Variants in MCC observed in about 807,000 individuals in gnomAD.
The protein encoded by MCC is colorectal mutant cancer protein.
MCC carries 90 observed loss-of-function variants against 116.2 expected under a neutral mutation model. The observed-to-expected ratio is 0.77, with a 90% CI of 0.65 to 0.92. The LOEUF is 0.92. MCC is among the 40% of genes least tolerant of loss of function. The pLI, the probability that MCC is intolerant of heterozygous loss-of-function variation, is 0.00. For synonymous variants in MCC, 578 were observed against 510.5 expected (o/e 1.13, Z -1.78); for missense variants, 1,516 against 1,312.2 (o/e 1.16, Z -2.40).
At chr5:113,245,345 T>C (rs1238869083) in intron 3 of MCC, among the ~76,000 whole-genome samples, 1 of 151,836 alleles carries the variant, frequency 6.6e-6, no homozygotes, top group African/African-American at 2.4e-5. Flanking sequence ...AACCCAACCT[T>C]GAGGGACAAA....
At chr5:113,137,925 C>A (rs1290650549) in intron 5 of MCC, among the ~76,000 whole-genome samples, 1 of 142,156 alleles carries the variant, frequency 7.0e-6, no homozygotes, top group Non-Finnish European at 1.5e-5. Context: ...TGACTTTCAG[C>A]AACCTGCATT....
In MCC at chr5:113,181,306, C is replaced by T. The variant is rs532962792; in HGVS notation, c.628-29884G>A. Among the ~76,000 whole-genome samples the T allele has an allele frequency of 2.6e-5, 4 of 152,328 alleles. No individual in the cohort carries two copies. In the East Asian group the frequency reaches 7.7e-4, roughly 29 times the overall value. ...TATCGGTCAGAACACCATTACCAGCCTTGAAATGTACTGATTAGAATTTAG... is the reference window on the plus strand; with the variant it reads ...TATCGGTCAGAACACCATTACCAGCTTTGAAATGTACTGATTAGAATTTAG... On this transcript the variant is annotated intron_variant, in intron 3 of 18. Coordinates refer to ENST00000408903, the MANE Select transcript of MCC (RefSeq NM_001085377.2).
At chr5:113,129,406 G>C (rs1185177100) in intron 5 of MCC, among the ~76,000 whole-genome samples, 1 of 152,200 alleles carries the variant, frequency 6.6e-6, no homozygotes. Context: ...AGGTGTTTCA[G>C]TCAGCTCAGG....
intron 3 of MCC, among the ~76,000 whole-genome samples, chr5:113,156,903 C>A (rs1470501729): frequency 1.3e-5 from 2 of 152,192 alleles, no homozygotes; most frequent in Non-Finnish European, 1.5e-5. Flanking sequence ...GTTCAACTGA[C>A]TCTAAGGACA....
intron 1 of MCC, among the ~76,000 whole-genome samples, chr5:113,395,887 G>A (rs986536759): frequency 3.3e-5 from 5 of 152,006 alleles, no homozygotes; most frequent in Non-Finnish European, 4.4e-5. Flanking sequence ...CATCAGAATG[G>A]TGGGGGTGGG....
intron 1 of MCC, among the ~76,000 whole-genome samples, chr5:113,437,648 T>C (rs1481489059): frequency 1.3e-5 from 2 of 152,222 alleles, no homozygotes; most frequent in Non-Finnish European, 1.5e-5. Flanking sequence ...ACTTGAATTA[T>C]TTCTATTTTG....
Position 113,210,183 on chromosome 5 carries a change from A to C in MCC, c.628-58761T>G, listed in dbSNP as rs116829012. 2.3e-3 allele frequency among the ~76,000 whole-genome samples: 351 copies of C among 151,574 alleles called. 2 individuals are homozygous for C. Among genetic ancestry groups the C allele is most frequent in the African/African-American group, 8.0e-3 (334 of 41,522 alleles). On this transcript the variant is annotated intron_variant, in intron 3 of 18. Transcript: ENST00000408903. ...CTGTGGGTGGGAAGAGTGAAGCTTTAAACCCTCAACAGTACAACTTTTCCC... is the reference window on the plus strand; with the variant it reads ...CTGTGGGTGGGAAGAGTGAAGCTTTCAACCCTCAACAGTACAACTTTTCCC...
intron 3 of MCC, among the ~76,000 whole-genome samples, chr5:113,264,246 A>C (rs943340222): frequency 6.6e-6 from 1 of 152,182 alleles, no homozygotes; most frequent in Non-Finnish European, 1.5e-5. Flanking sequence ...AGCATTACAC[A>C]ATCTTCCAGG....
At chr5:113,406,209 T>G (rs1181459728) in intron 1 of MCC, among the ~76,000 whole-genome samples, 1 of 152,220 alleles carries the variant, frequency 6.6e-6, no homozygotes, top group East Asian at 1.9e-4. Flanking sequence ...CAAACAGCAC[T>G]AAGTTAATTA....
chr5:113,047,639 T>C (rs962098108), intron 16 of MCC, among the ~76,000 whole-genome samples: 10 of 152,324 alleles, frequency 6.6e-5, no homozygotes, highest in African/African-American at 2.4e-4. Flanking sequence ...TTGGCATATG[T>C]CTGCGAGTCC....
intron 17 of MCC, among the ~76,000 whole-genome samples, chr5:113,035,148 C>T (rs887148095): frequency 6.6e-6 from 1 of 152,224 alleles, no homozygotes; most frequent in African/African-American, 2.4e-5. Flanking sequence ...CACTCTCTCT[C>T]CTGTGTTGGC....
intron 3 of MCC, among the ~76,000 whole-genome samples, chr5:113,242,306 C>T (rs1465751631): frequency 2.6e-5 from 4 of 152,210 alleles, no homozygotes; most frequent in Non-Finnish European, 5.9e-5. Context: ...AGTATATTCA[C>T]ATCATTGGTA....
intron 1 of MCC, among the ~76,000 whole-genome samples, chr5:113,388,898 C>G (rs891756846): frequency 1.3e-5 from 2 of 152,148 alleles, no homozygotes; most frequent in Non-Finnish European, 2.9e-5. Context: ...AGCTCTTGCC[C>G]TTTCCATGCT....
intron 5 of MCC, among the ~76,000 whole-genome samples, chr5:113,128,249 A>G (rs1399625841): frequency 6.6e-6 from 1 of 152,232 alleles, no homozygotes; most frequent in Non-Finnish European, 1.5e-5. Flanking sequence ...TGTGGAGAAG[A>G]GCCAGATGGT....
intron 3 of MCC, among the ~76,000 whole-genome samples, chr5:113,167,768 C>T (rs559609123): frequency 6.6e-6 from 1 of 152,182 alleles, no homozygotes; most frequent in African/African-American, 2.4e-5. Context: ...GTAGCAGGGA[C>T]TACAGGTGTG....
At chr5:113,204,109 C>T (rs537891968) in intron 3 of MCC, among the ~76,000 whole-genome samples, 8 of 152,296 alleles carry the variant, frequency 5.3e-5, no homozygotes, top group African/African-American at 1.7e-4. Context: ...AGCCTACAAA[C>T]ACGGTCAAGG....
intron 3 of MCC, among the ~76,000 whole-genome samples, chr5:113,200,261 A>G (rs1044423667): frequency 2.6e-5 from 4 of 152,220 alleles, no homozygotes; most frequent in African/African-American, 9.6e-5. Context: ...GTCTGTGAGT[A>G]GTAAACATCA....
chr5:113,338,318 T>C (rs1434857474), intron 3 of MCC, among the ~76,000 whole-genome samples: 2 of 152,146 alleles, frequency 1.3e-5, no homozygotes, highest in Non-Finnish European at 2.9e-5. Flanking sequence ...GGTATGTATA[T>C]GACTGTGGGG....
At chr5:113,421,903 C>T (rs1206804997) in intron 1 of MCC, among the ~76,000 whole-genome samples, 2 of 152,162 alleles carry the variant, frequency 1.3e-5, no homozygotes, top group Non-Finnish European at 2.9e-5. Context: ...TCCCAGTTCC[C>T]TGGGGTCCTT....
Sources: allele counts gnomAD v4.1 joint callset (sites outside exome capture counted in the v4.1 genomes callset), GRCh38; gene constraint gnomAD v4.1.1; transcripts MANE v1.5; gene names NCBI Gene and HGNC (gene_info 2026-07-23, HGNC 2026-07-21).